Variants in CUL4A observed in about 807,000 individuals in gnomAD.
CUL4A encodes cullin 4A.
In CUL4A, 16 loss-of-function variants were observed where a neutral mutation model predicts 95.5. That is an observed-to-expected ratio of 0.17 (90% CI 0.11 to 0.25). CUL4A has a LOEUF of 0.25. CUL4A is among the 10% of genes least tolerant of loss of function. CUL4A has a pLI of 1.00. For synonymous variants in CUL4A, 380 were observed against 353.1 expected (o/e 1.08, Z -0.85); for missense variants, 610 against 937.0 (o/e 0.65, Z 4.56).
chr13:113,260,153 G>A lies in CUL4A; in HGVS notation c.2032-454G>A, dbSNP rs531765231. On this transcript the variant is annotated intron_variant, in intron 18 of 19. Coordinates refer to ENST00000375440, the MANE Select transcript of CUL4A (RefSeq NM_001008895.4). Reference sequence around the variant, plus strand: ...CGGGGGGCGGAGCTTGTAGTGAGCCGAGATCGCGCCACTGCACTCCAGCCT... The same window carrying A: ...CGGGGGGCGGAGCTTGTAGTGAGCCAAGATCGCGCCACTGCACTCCAGCCT... 2.8e-3 allele frequency among the ~76,000 whole-genome samples: 361 copies of A among 130,126 alleles called. 2 individuals are homozygous for A. Among genetic ancestry groups the A allele is most frequent in the African/African-American group, 9.7e-3 (335 of 34,504 alleles). The allele number at this position is 130,126 out of a possible 152,430, so 85.4% of individuals were successfully genotyped here.
At chr13:113,209,562 G>A (rs1319258304), upstream of CUL4A, 2 of 903,816 alleles carry the variant, frequency 2.2e-6, no homozygotes, top group South Asian at 4.9e-5. Flanking sequence ...CGCGGACCGG[G>A]GCGGGCGGAG....
intron 3 of CUL4A, among the ~76,000 whole-genome samples, chr13:113,221,418 A>T (rs985167086): frequency 6.6e-6 from 1 of 152,186 alleles, no homozygotes; most frequent in Non-Finnish European, 1.5e-5. Context: ...AGTATCTGTC[A>T]TGTGCTAGGT....
At chr13:113,217,582 AG>A (rs1322354852) in intron 2 of CUL4A, among the ~76,000 whole-genome samples, 1 of 152,210 alleles carries the variant, frequency 6.6e-6, no homozygotes, top group African/African-American at 2.4e-5. Flanking sequence ...GTTAATATGT[AG>A]CAGCTCTCCG....
intron 10 of CUL4A, among the ~76,000 whole-genome samples, chr13:113,242,037 C>T (rs2041727980): frequency 6.6e-6 from 1 of 151,786 alleles, no homozygotes; most frequent in Admixed American, 6.6e-5. Context: ...ACAAACTAGG[C>T]TAGGCACAGT....
chr13:113,259,840 C>T (rs1308318608), intron 18 of CUL4A, among the ~76,000 whole-genome samples: 3 of 152,030 alleles, frequency 2.0e-5, no homozygotes. Context: ...TGGGAAGGTA[C>T]CTTTTACTAC....
intron 3 of CUL4A, among the ~76,000 whole-genome samples, chr13:113,221,695 G>A (rs546877785): frequency 7.9e-5 from 12 of 151,984 alleles, no homozygotes; most frequent in African/African-American, 2.7e-4. Context: ...CTCCTGCCTC[G>A]GCCTTTCCAG....
chr13:113,228,066 A>G (rs1009824639), intron 4 of CUL4A, 21 bp downstream of exon 4: 1 of 1,581,670 alleles, frequency 6.3e-7, no homozygotes, highest in Non-Finnish European at 8.7e-7. Context: ...TCACTTTTTC[A>G]TCAAAACACG....
chr13:113,241,426 T>C (rs541106956), intron 10 of CUL4A, among the ~76,000 whole-genome samples: 1 of 151,974 alleles, frequency 6.6e-6, no homozygotes, highest in East Asian at 1.9e-4. Flanking sequence ...CACCAAAGGG[T>C]GTAGAGTAAG....
At chr13:113,225,395 T>A (rs2041063483) in intron 3 of CUL4A, among the ~76,000 whole-genome samples, 1 of 152,234 alleles carries the variant, frequency 6.6e-6, no homozygotes, top group African/African-American at 2.4e-5. Context: ...ATTTTGTAGT[T>A]TTTTTCTGTG....
intron 4 of CUL4A, 99 bp from the exon 5 acceptor site, chr13:113,229,347 T>C: frequency 2.2e-6 from 2 of 927,610 alleles, no homozygotes; most frequent in Non-Finnish European, 3.4e-6. Flanking sequence ...AGGAAACAGC[T>C]GTTGGATTTG....
rs952258090 is a variant in CUL4A, at chr13:113,210,165, G to A, written c.264+77G>A. On this transcript the variant is annotated intron_variant, in intron 2 of 19. Transcript: ENST00000375440. ...ACGCGGCCGGGCGGCCGCTCCGGGT[G>A]CCTCGCAGGCTCTCGCCGGGGAGCG... 1.1e-5 allele frequency: 11 copies of A among 981,104 alleles called. 1 individual carries two copies. Among genetic ancestry groups the A allele is most frequent in the South Asian group, 1.9e-5 (1 of 51,638 alleles). 60.8% of individuals were successfully genotyped at this position (981,104 alleles called of 1,614,324 possible). A position where few individuals can be genotyped will look rare whatever the true frequency, so the allele number is the denominator to read the frequency against.
intron 9 of CUL4A, among the ~76,000 whole-genome samples, chr13:113,237,748 A>G (rs1263472556): frequency 6.6e-6 from 1 of 152,220 alleles, no homozygotes; most frequent in East Asian, 1.9e-4. Context: ...AGAAGGCCCT[A>G]AATGGTATTC....
chr13:113,257,240 G>T (rs1299876598), intron 18 of CUL4A, among the ~76,000 whole-genome samples: 1 of 152,026 alleles, frequency 6.6e-6, no homozygotes, highest in Non-Finnish European at 1.5e-5. Context: ...TGTCATTTTT[G>T]ACAGATAATT....
At chr13:113,214,498 A>G (rs1478789172) in intron 2 of CUL4A, among the ~76,000 whole-genome samples, 1 of 152,050 alleles carries the variant, frequency 6.6e-6, no homozygotes, top group Admixed American at 6.5e-5. Flanking sequence ...TGTTGCACAA[A>G]AACAAACCTC....
intron 8 of CUL4A, 87 bp downstream of exon 8, chr13:113,235,232 T>G: frequency 1.1e-6 from 1 of 881,734 alleles, no homozygotes; most frequent in Non-Finnish European, 1.9e-6. Flanking sequence ...AGGGTGTCTT[T>G]GTCAATTCAT....
chr13:113,219,108 A>G (rs2040804517), intron 3 of CUL4A, 60 bp downstream of exon 3: 1 of 1,030,148 alleles, frequency 9.7e-7, no homozygotes, highest in Non-Finnish European at 1.4e-6. Context: ...AAAACTGAAC[A>G]TTATTATGAT....
chr13:113,261,692 T>C (rs2042280675), intron 19 of CUL4A, among the ~76,000 whole-genome samples: 1 of 151,982 alleles, frequency 6.6e-6, no homozygotes, highest in South Asian at 2.1e-4. Context: ...CCTGCTCTGC[T>C]CTCGGGTAGA....
At chr13:113,241,755 C>T (rs1304610769) in intron 10 of CUL4A, among the ~76,000 whole-genome samples, 2 of 151,946 alleles carry the variant, frequency 1.3e-5, no homozygotes, top group Non-Finnish European at 2.9e-5. Context: ...CCTTGTGATC[C>T]ACCCGCCTTA....
At chr13:113,233,819 C>T in intron 6 of CUL4A, 78 bp from the exon 7 acceptor site, 1 of 887,072 alleles carries the variant, frequency 1.1e-6, no homozygotes, top group Non-Finnish European at 1.9e-6. Context: ...CCTGCCCCGT[C>T]AGAAACTGGG....
Sources: allele counts gnomAD v4.1 joint callset (sites outside exome capture counted in the v4.1 genomes callset), GRCh38; gene constraint gnomAD v4.1.1; transcripts MANE v1.5; gene names NCBI Gene and HGNC (gene_info 2026-07-23, HGNC 2026-07-21).